The following ZNF804A variants were observed in gnomAD, a reference collection of about 807,000 sequenced individuals.
ZNF804A encodes the protein zinc finger protein 804A.
In ZNF804A, 2 loss-of-function variants were observed where a neutral mutation model predicts 16.5. That is an observed-to-expected ratio of 0.12 (90% confidence interval 0.05 to 0.38). The LOEUF (loss-of-function observed/expected upper bound fraction) is 0.38. Ranked by LOEUF, ZNF804A falls within the 10% of genes least tolerant of loss-of-function variation. The pLI is 0.99. For missense variants in ZNF804A, 1,473 were observed against 1,390.7 expected (o/e 1.06, Z -0.94); for synonymous variants, 534 against 489.6 (o/e 1.09, Z -1.20).
chr2:184,740,673 T>C (rs902524826), intron 1 of ZNF804A, among the ~76,000 whole-genome samples: 1 of 152,150 alleles, frequency 6.6e-6, no homozygotes, highest in African/African-American at 2.4e-5. Context: ...GTAATTTAGT[T>C]AGTAAATTTA....
intron 2 of ZNF804A, among the ~76,000 whole-genome samples, chr2:184,922,957 T>A (rs1307340376): frequency 1.3e-5 from 2 of 152,116 alleles, no homozygotes; most frequent in African/African-American, 4.8e-5. Flanking sequence ...TTGGTTACTT[T>A]AGCTCTGTAT....
intron 2 of ZNF804A, among the ~76,000 whole-genome samples, chr2:184,900,499 T>G (rs1170237575): frequency 1.3e-5 from 2 of 152,154 alleles, no homozygotes; most frequent in African/African-American, 4.8e-5. Flanking sequence ...GGAATAAATA[T>G]TTCAGAAACA....
intron 1 of ZNF804A, among the ~76,000 whole-genome samples, chr2:184,771,192 TA>T (rs1158018762): frequency 1.3e-5 from 2 of 152,108 alleles, no homozygotes; most frequent in Non-Finnish European, 2.9e-5. Flanking sequence ...TATGTGCTTT[TA>T]AAATAGTCAA....
At chr2:184,820,200 A>G (rs1695052193) in intron 1 of ZNF804A, among the ~76,000 whole-genome samples, 1 of 152,116 alleles carries the variant, frequency 6.6e-6, no homozygotes, top group South Asian at 2.1e-4. Flanking sequence ...CCAGCAGCAC[A>G]TAAAAAAGGT....
At chr2:184,743,914 A>G (rs1224288724) in intron 1 of ZNF804A, among the ~76,000 whole-genome samples, 1 of 151,988 alleles carries the variant, frequency 6.6e-6, no homozygotes, top group Non-Finnish European at 1.5e-5. Flanking sequence ...ATTTAGTAGT[A>G]TAAGAAGTAA....
rs184382901 is a variant in ZNF804A at position 184,796,193 on chromosome 2, C to T, written c.112-70176C>T. On this transcript the variant is annotated intron_variant, in intron 1 of 3. Coordinates refer to ENST00000302277, the MANE Select transcript of ZNF804A (RefSeq NM_194250.2). ...CTGTAGTTTCCTTTTTTGGTTATGT[C>T]CATTCCTGGTTTTGGTATTAGGGTG... is the stretch of plus-strand genomic sequence containing the variant. Among the ~76,000 whole-genome samples, 3 of 152,020 alleles carry T rather than the reference C, an allele frequency of 2.0e-5. No homozygotes were observed. The East Asian group carries it at 5.8e-4, about 29-fold the overall frequency.
At chr2:184,653,917 G>A (rs1692032167) in intron 1 of ZNF804A, among the ~76,000 whole-genome samples, 1 of 152,188 alleles carries the variant, frequency 6.6e-6, no homozygotes, top group Admixed American at 6.5e-5. Flanking sequence ...GGTGCTGGCT[G>A]CGACCAATGA....
chr2:184,774,981 G>T (rs545449723), intron 1 of ZNF804A, among the ~76,000 whole-genome samples: 3 of 151,106 alleles, frequency 2.0e-5, no homozygotes, highest in African/African-American at 7.3e-5. Flanking sequence ...TGAAATTTTC[G>T]AAAAGCAACA....
At chr2:184,795,185 A>C (rs1436566534) in intron 1 of ZNF804A, among the ~76,000 whole-genome samples, 2 of 152,192 alleles carry the variant, frequency 1.3e-5, no homozygotes, top group African/African-American at 4.8e-5. Flanking sequence ...AATGAGCCTA[A>C]ATAAATTAAA....
chr2:184,913,394 T>C (rs1393851544), intron 2 of ZNF804A, among the ~76,000 whole-genome samples: 1 of 152,194 alleles, frequency 6.6e-6, no homozygotes, highest in Non-Finnish European at 1.5e-5. Flanking sequence ...AGTTATTCTC[T>C]AGAGTCCATT....
At chr2:184,757,630 G>A (rs1307922660) in intron 1 of ZNF804A, among the ~76,000 whole-genome samples, 1 of 151,916 alleles carries the variant, frequency 6.6e-6, no homozygotes, top group Admixed American at 6.6e-5. Flanking sequence ...TGATTTGAAA[G>A]TTGTTTTGTT....
chr2:184,868,592 G>T (rs1257034269), intron 2 of ZNF804A, among the ~76,000 whole-genome samples: 4 of 152,018 alleles, frequency 2.6e-5, no homozygotes, highest in Non-Finnish European at 4.4e-5. Context: ...TGATTAAAAA[G>T]CTGAGAAAGC....
At chr2:184,846,855 A>T (rs1695523913) in intron 1 of ZNF804A, among the ~76,000 whole-genome samples, 1 of 152,114 alleles carries the variant, frequency 6.6e-6, no homozygotes, top group Admixed American at 6.6e-5. Context: ...TGCCCCAATG[A>T]GGCATTGTCT....
chr2:184,928,204 G>A (rs1039898995), intron 2 of ZNF804A, among the ~76,000 whole-genome samples: 2 of 152,078 alleles, frequency 1.3e-5, no homozygotes, highest in Admixed American at 6.6e-5. Flanking sequence ...GATCAATTCT[G>A]CCAAAACTAG....
At chr2:184,848,297 A>G (rs1695550549) in intron 1 of ZNF804A, among the ~76,000 whole-genome samples, 1 of 152,004 alleles carries the variant, frequency 6.6e-6, no homozygotes, top group African/African-American at 2.4e-5. Flanking sequence ...AAGCCCAATT[A>G]TGTACTTCTT....
At chr2:184,752,247 T>G (rs1693887189) in intron 1 of ZNF804A, among the ~76,000 whole-genome samples, 1 of 151,552 alleles carries the variant, frequency 6.6e-6, no homozygotes, top group African/African-American at 2.4e-5. Context: ...CATCAACAGT[T>G]GACTGAATAA....
intron 1 of ZNF804A, among the ~76,000 whole-genome samples, chr2:184,711,345 A>G (rs1431530628): frequency 6.6e-6 from 1 of 151,618 alleles, no homozygotes; most frequent in Non-Finnish European, 1.5e-5. Context: ...CCATATTTTA[A>G]CTGGGATACT....
At chr2:184,686,789 T>C (rs1692642557) in intron 1 of ZNF804A, among the ~76,000 whole-genome samples, 1 of 152,232 alleles carries the variant, frequency 6.6e-6, no homozygotes, top group Non-Finnish European at 1.5e-5. Context: ...TCTCTGGTGA[T>C]TAATGATGTG....
intron 1 of ZNF804A, among the ~76,000 whole-genome samples, chr2:184,688,592 A>G (rs1692678175): frequency 6.6e-6 from 1 of 152,088 alleles, no homozygotes; most frequent in African/African-American, 2.4e-5. Flanking sequence ...CCACAATTTT[A>G]TGATTTACAT....
Sources: allele counts gnomAD v4.1 joint callset (sites outside exome capture counted in the v4.1 genomes callset), GRCh38; gene constraint gnomAD v4.1.1; transcripts MANE v1.5; gene names NCBI Gene and HGNC (gene_info 2026-07-23, HGNC 2026-07-21).